FOXA1: variants seen among roughly 807,000 people sequenced by gnomAD.
The protein encoded by FOXA1 is hepatocyte nuclear factor 3-alpha.
Under a neutral mutation model 29.2 loss-of-function variants are expected in FOXA1, and 9 were observed. The observed-to-expected ratio is 0.31, with a 90% CI of 0.19 to 0.54. FOXA1 has a LOEUF of 0.54. Ranked by LOEUF, FOXA1 falls within the 20% of genes least tolerant of loss-of-function variation. The probability of loss-of-function intolerance (pLI) is 0.95; values close to 1 mark genes in which losing one functional copy is unlikely to be tolerated. For synonymous variants in FOXA1, 340 were observed against 300.9 expected (o/e 1.13, Z -1.34); for missense variants, 644 against 681.2 (o/e 0.95, Z 0.61).
rs766908944 is a variant in FOXA1, at chr14:37,592,550, A to G, written c.234T>C (p.Ser78=). 6.2e-7 allele frequency: 1 copy of G among 1,613,490 alleles called. No homozygotes were observed. Among genetic ancestry groups the G allele is most frequent in the South Asian group, 1.1e-5 (1 of 91,044 alleles). ...CCGGCATGCCGGCTACTGCGCCGGGACTCAGGCCGGCCCCTAGGCCCGGGT... is the reference window on the plus strand; with the variant it reads ...CCGGCATGCCGGCTACTGCGCCGGGGCTCAGGCCGGCCCCTAGGCCCGGGT... ...YANPGLGAGL[S]PGAVAGMPGG... is the part of the protein sequence containing the mutation. The change falls in exon 2 of 2, where the codon AGT becomes AGC. Residue 78 remains serine, a synonymous_variant. Coordinates refer to ENST00000250448, the MANE Select transcript of FOXA1 (RefSeq NM_004496.5).
chr14:37,592,837 C>T, intron 1 of FOXA1, 126 bp from the exon 2 acceptor site: 3 of 1,174,552 alleles, frequency 2.6e-6, no homozygotes, highest in Non-Finnish European at 3.7e-6. Context: ...GGGACGCCCC[C>T]ACCCGGGGCA....
At chr14:37,594,828 A>T in intron 1 of FOXA1, 73 bp downstream of exon 1, 1 of 1,243,654 alleles carries the variant, frequency 8.0e-7, no homozygotes, top group South Asian at 1.6e-5. Flanking sequence ...CCTGGCGCCC[A>T]CCGCTCCCCG....
intron 1 of FOXA1, chr14:37,594,033 T>C (rs1471938823): frequency 8.8e-5 from 104 of 1,182,746 alleles, no homozygotes; most frequent in Non-Finnish European, 1.0e-4. Flanking sequence ...AAATATTACG[T>C]GATCCTATAT....
At position 37,592,280 on chromosome 14, in the gene FOXA1, G is replaced by A. The variant is rs201428590; in HGVS notation, c.504C>T (p.His168=). 14 of 1,613,114 alleles carry A rather than the reference G, an allele frequency of 8.7e-6. No homozygotes were observed. Among genetic ancestry groups the A allele is most frequent in the African/African-American group, 2.7e-5 (2 of 74,894 alleles). Residue 168 remains histidine (H), a synonymous_variant, in exon 2 of 2, where the codon CAC becomes CAT. Coordinates refer to ENST00000250448, the MANE Select transcript of FOXA1 (RefSeq NM_004496.5). ...DAKTFKRSYP[H]AKPPYSYISL... is the part of the protein sequence containing the mutation. Reference sequence around the variant, plus strand: ...AGATGTACGAGTAGGGCGGCTTGGCGTGCGGGTAGCTGCGCTTGAACGTCT... The same window carrying A: ...AGATGTACGAGTAGGGCGGCTTGGCATGCGGGTAGCTGCGCTTGAACGTCT...
chr14:37,589,719 C>CAA lies in FOXA1; in HGVS notation c.*1644_*1645dup, dbSNP rs11335498. On this transcript the variant is annotated 3_prime_UTR_variant, in exon 2 of 2. Transcript: ENST00000250448. ...AAACACAGAAGGCTTAAGCCGGTGT[C>CAA]AAAAAAAAAAAAAAAAATGAAGTAA... Among the ~76,000 whole-genome samples, 16,241 of 138,556 alleles carry CAA rather than the reference C, an allele frequency of 0.12. 972 individuals carry two copies. Among genetic ancestry groups the CAA allele is most frequent in the African/African-American group, 0.13 (5,026 of 38,202 alleles). The allele number at this position is 138,556 out of a possible 152,430, so 90.9% of individuals were successfully genotyped here. A position where few individuals can be genotyped will look rare whatever the true frequency, so the allele number is the denominator to read the frequency against.
Position 37,589,883 on chromosome 14 carries a change from C to T in FOXA1, c.*1482G>A, listed in dbSNP as rs2095594155. 4.3e-6 allele frequency: 1 copy of T among 230,834 alleles called. No homozygotes were observed. Among genetic ancestry groups the T allele is most frequent in the Non-Finnish European group, 8.6e-6 (1 of 116,802 alleles). The allele number at this position is 230,834 out of a possible 1,614,324, so 14.3% of individuals were successfully genotyped here. On this transcript the variant is annotated 3_prime_UTR_variant, in exon 2 of 2. Coordinates refer to ENST00000250448, the MANE Select transcript of FOXA1 (RefSeq NM_004496.5). ...ACAACAGACAAAACAATTTTATTTT[C>T]ATTTTTGTCATTTATATTCAGTTCT... is the stretch of plus-strand genomic sequence containing the variant.
chr14:37,594,079 G>A (rs2095599146), intron 1 of FOXA1: 1 of 1,256,538 alleles, frequency 8.0e-7, no homozygotes, highest in Non-Finnish European at 1.0e-6. Flanking sequence ...TTTTTACCTT[G>A]GGGCTTTATT....
rs1432381178 is a variant in FOXA1, at chr14:37,591,506, G to A, written c.1278C>T (p.Tyr426=). 6.2e-7 allele frequency: 1 copy of A among 1,614,134 alleles called. No individual in the cohort carries two copies. Among genetic ancestry groups the A allele is most frequent in the East Asian group, 2.2e-5 (1 of 44,882 alleles). Reference sequence around the variant, plus strand: ...CGGGCAACGTAGAGCCGTAAGGCGAGTATTGCAGTGCCTGTTCGTATGCCT... The same window carrying A: ...CGGGCAACGTAGAGCCGTAAGGCGAATATTGCAGTGCCTGTTCGTATGCCT... ...DFKAYEQALQ[Y]SPYGSTLPAS... Residue 426 remains tyrosine (Y), a synonymous_variant, in exon 2 of 2, where the codon TAC becomes TAT. Transcript: ENST00000250448.
Position 37,591,422 on chromosome 14 carries a change from G to C in FOXA1, c.1362C>G (p.Ala454=), listed in dbSNP as rs1156831305. Residue 454 remains alanine, a synonymous_variant, in exon 2 of 2, where the codon GCC becomes GCG. Coordinates refer to ENST00000250448, the MANE Select transcript of FOXA1 (RefSeq NM_004496.5). ...VTTRSPIEPS[A]LEPAYYQGVY... is the part of the protein sequence containing the mutation. ...CACCTTGGTAGTACGCCGGCTCCAG[G>C]GCTGAGGGCTCGATGGGGCTCCTGG... The C allele has an allele frequency of 5.0e-6, 8 of 1,614,130 alleles. No homozygotes were observed. The highest frequency in any genetic ancestry group is 6.8e-6 in the Non-Finnish European group (8 of 1,180,038).
At position 37,592,342 on chromosome 14, in the gene FOXA1, G is replaced by C. The variant is rs112819884; in HGVS notation, c.442C>G (p.Leu148Val). ...MSPMAYAPSN[L>V]GRSRAGGGGD... Reference sequence around the variant, plus strand: ...CCGCCGCCCGCGCGGCTGCGGCCCAGGTTGGACGGCGCGTACGCCATGGGG... The same window carrying C: ...CCGCCGCCCGCGCGGCTGCGGCCCACGTTGGACGGCGCGTACGCCATGGGG... The change falls in exon 2 of 2, where the codon CTG becomes GTG. Residue 148 changes from leucine to valine, a missense_variant. Coordinates refer to ENST00000250448, the MANE Select transcript of FOXA1 (RefSeq NM_004496.5). 0.017 allele frequency: 27,720 copies of C among 1,599,840 alleles called. 318 individuals are homozygous for C. The highest frequency in any genetic ancestry group is 0.021 in the Non-Finnish European group (24,736 of 1,174,160).
chr14:37,593,280 A>G (rs1178954870), intron 1 of FOXA1, among the ~76,000 whole-genome samples: 1 of 152,246 alleles, frequency 6.6e-6, no homozygotes, highest in Admixed American at 6.5e-5. Flanking sequence ...TCAGAGTTAA[A>G]TAAGTTTTGG....
At position 37,594,953 on chromosome 14, in the gene FOXA1, A is replaced by G. The variant is rs1166386427; in HGVS notation, c.20T>C (p.Met7Thr). 1 of 1,574,248 alleles carries G rather than the reference A, an allele frequency of 6.4e-7. No individual in the cohort carries two copies. The highest frequency in any genetic ancestry group is 1.1e-5 in the South Asian group (1 of 89,842). The change falls in exon 1 of 2, where the codon ATG (methionine) becomes ACG (threonine). Residue 7 changes from methionine to threonine, a missense_variant. By Grantham distance (81) the Met-to-Thr change is moderately conservative. Transcript: ENST00000250448. The part of the protein sequence containing the change: MLGTVK[M>T]EGHETSDWNS... ...CCAGTCGCTGGTTTCATGCCCTTCC[A>G]TCTTCACAGTTCCTAACATCCTGGA...
At position 37,592,700 on chromosome 14, in the gene FOXA1, G is replaced by A. The variant is rs2139184284; in HGVS notation, c.84C>T (p.Ser28=). The A allele has an allele frequency of 6.2e-7, 1 of 1,612,580 alleles. No individual in the cohort carries two copies. Among genetic ancestry groups the A allele is most frequent in the Non-Finnish European group, 8.5e-7 (1 of 1,180,032 alleles). ...CTGAGTTCATGTTGCTGACCGGGAC[G>A]GAGGAGTAGGCCTGGAGTGGAGACA... The part of the protein sequence containing the change: ...YYADTQEAYS[S]VPVSNMNSGL... The change falls in exon 2 of 2, where the codon TCC becomes TCT. Residue 28 remains serine, a synonymous_variant. Transcript: ENST00000250448.
rs116493763 is a variant in FOXA1, at chr14:37,593,602, T to C, written c.73-891A>G. On this transcript the variant is annotated intron_variant, in intron 1 of 1. Transcript: ENST00000250448. Reference sequence around the variant, plus strand: ...AAATTCGAAAATCAAATTCTACTTATTTTCTCTTAATGCTATTGTATTTCC... The same window carrying C: ...AAATTCGAAAATCAAATTCTACTTACTTTCTCTTAATGCTATTGTATTTCC... Among the ~76,000 whole-genome samples the C allele has an allele frequency of 2.9e-3, 449 of 152,322 alleles. 1 individual carries two copies. Among genetic ancestry groups the C allele is most frequent in the African/African-American group, 0.01 (434 of 41,566 alleles).
intron 1 of FOXA1, chr14:37,594,217 C>T (rs1476526163): frequency 1.6e-6 from 2 of 1,282,782 alleles, no homozygotes; most frequent in African/African-American, 3.1e-5. Flanking sequence ...GTAGTCCTCC[C>T]TGTAACTGGT....
intron 1 of FOXA1, chr14:37,594,327 A>G (rs986966855): frequency 8.0e-6 from 9 of 1,118,566 alleles, no homozygotes; most frequent in Non-Finnish European, 9.9e-6. Flanking sequence ...CAGAGTTGTG[A>G]AGAAGATTTT....
chr14:37,592,900 G>A (rs1022733043), intron 1 of FOXA1, among the ~76,000 whole-genome samples, 189 bp from the exon 2 acceptor site: 1 of 152,224 alleles, frequency 6.6e-6, no homozygotes, highest in African/African-American at 2.4e-5. Flanking sequence ...ACGGCAGGGG[G>A]AAAATCCTAG....
At position 37,591,640 on chromosome 14, in the gene FOXA1, G is replaced by T. The variant is rs2139180218; in HGVS notation, c.1144C>A (p.His382Asn). Reference sequence around the variant, plus strand: ...CCTTTCAGGTGCAGCTGGGACTCGTGGGGTGCCAAGCCGTGTGCCGGGTGA... The same window carrying T: ...CCTTTCAGGTGCAGCTGGGACTCGTTGGGTGCCAAGCCGTGTGCCGGGTGA... Reference protein sequence around the residue: ...ASHPAHGLAPHESQLHLKGDP... With the variant: ...ASHPAHGLAPNESQLHLKGDP... Residue 382 changes from histidine (H) to asparagine (N), a missense_variant, in exon 2 of 2, where the codon CAC becomes AAC. By Grantham distance (68) the His-to-Asn change is moderately conservative. Transcript: ENST00000250448. 1 of 1,598,948 alleles carries T rather than the reference G, an allele frequency of 6.3e-7. No individual in the cohort carries two copies. The highest frequency in any genetic ancestry group is 8.5e-7 in the Non-Finnish European group (1 of 1,172,374).
chr14:37,593,484 A>G (rs1463227249), intron 1 of FOXA1, among the ~76,000 whole-genome samples: 2 of 152,168 alleles, frequency 1.3e-5, no homozygotes, highest in Non-Finnish European at 2.9e-5. Context: ...CAGTTTGTCA[A>G]AATAAATCTT....
Sources: allele counts gnomAD v4.1 joint callset (sites outside exome capture counted in the v4.1 genomes callset), GRCh38; gene constraint gnomAD v4.1.1; transcripts MANE v1.5; gene names NCBI Gene and HGNC (gene_info 2026-07-23, HGNC 2026-07-21).